The following KCNMA1 variants were observed in gnomAD, a reference collection of about 807,000 sequenced individuals.
The protein encoded by KCNMA1 is Calcium-activated potassium channel subunit alpha-1.
In KCNMA1, 29 loss-of-function variants were observed where a neutral mutation model predicts 140.0. The observed-to-expected ratio is 0.21, with a 90% CI of 0.15 to 0.28. The LOEUF is 0.28. Among genes scored for constraint, KCNMA1 ranks in the 10% least tolerant of loss-of-function variants. The probability of loss-of-function intolerance (pLI) is 1.00; values close to 1 mark genes in which losing one functional copy is unlikely to be tolerated. For synonymous variants in KCNMA1, 612 were observed against 611.9 expected (o/e 1.00, Z 0.00); for missense variants, 880 against 1,602.2 (o/e 0.55, Z 7.70).
chr10:76,937,913 A>ATG (rs1013080316), intron 23 of KCNMA1, among the ~76,000 whole-genome samples: 4 of 147,700 alleles, frequency 2.7e-5, no homozygotes, highest in Non-Finnish European at 5.9e-5. Context: ...GTGTGTGCGT[A>ATG]TGTGTGTGTG....
At chr10:77,008,083 TAAAAGGGA>T in intron 18 of KCNMA1, 1 of 1,203,576 alleles carries the variant, frequency 8.3e-7, no homozygotes, top group Non-Finnish European at 1.2e-6. Flanking sequence ...ATACCAAAAG[TAAAAGGGA>T]AACTAAAACT....
chr10:77,425,779 G>T (rs1046136912), intron 1 of KCNMA1, among the ~76,000 whole-genome samples: 2 of 152,182 alleles, frequency 1.3e-5, no homozygotes, highest in Non-Finnish European at 2.9e-5. Context: ...ATTTAAAAAT[G>T]CATGGGTCTC....
intron 1 of KCNMA1, among the ~76,000 whole-genome samples, chr10:77,615,567 T>C (rs1411141798): frequency 6.6e-6 from 1 of 152,188 alleles, no homozygotes; most frequent in Admixed American, 6.5e-5. Context: ...GGTGGCAAAC[T>C]GAGGCCTCGC....
intron 19 of KCNMA1, chr10:76,995,362 G>T: frequency 2.9e-6 from 1 of 348,674 alleles, no homozygotes. Flanking sequence ...AGCCTAAGGC[G>T]CTGCAAACTC....
intron 5 of KCNMA1, among the ~76,000 whole-genome samples, chr10:77,135,482 C>A (rs1028779524): frequency 6.6e-6 from 1 of 152,136 alleles, no homozygotes; most frequent in East Asian, 1.9e-4. Flanking sequence ...AATCAAGCAA[C>A]CTCACCACTG....
intron 12 of KCNMA1, among the ~76,000 whole-genome samples, chr10:77,082,592 C>T (rs1357458666): frequency 1.3e-5 from 2 of 151,832 alleles, no homozygotes; most frequent in African/African-American, 2.4e-5. Flanking sequence ...TAAATCATTT[C>T]CAATGACAGA....
intron 5 of KCNMA1, among the ~76,000 whole-genome samples, chr10:77,132,690 G>A (rs1370861903): frequency 6.6e-6 from 1 of 152,020 alleles, no homozygotes; most frequent in African/African-American, 2.4e-5. Flanking sequence ...TCAATGTGAA[G>A]AAATAAATCC....
At chr10:77,149,068 G>A (rs2098369866) in intron 5 of KCNMA1, among the ~76,000 whole-genome samples, 1 of 152,172 alleles carries the variant, frequency 6.6e-6, no homozygotes, top group South Asian at 2.1e-4. Context: ...AATCCTTGAG[G>A]TCAAGGTCTC....
intron 1 of KCNMA1, among the ~76,000 whole-genome samples, chr10:77,547,352 C>A (rs7907504): frequency 1.3e-5 from 2 of 152,064 alleles, no homozygotes; most frequent in Admixed American, 6.5e-5. Context: ...ATGAACAGAA[C>A]GGCTCCGTTA....
Position 77,400,709 on chromosome 10 carries a change from C to T in KCNMA1, c.540+3153G>A, listed in dbSNP as rs186099191. 4.6e-5 allele frequency among the ~76,000 whole-genome samples: 7 copies of T among 152,204 alleles called. No homozygotes were observed. In the East Asian group the frequency reaches 1.4e-3, roughly 29 times the overall value. ...GAGATGAATTCACTGATAAGATTGG[C>T]CTGTTTTCTTGTAATGAACCCCTAC... On this transcript the variant is annotated intron_variant, in intron 2 of 27. Transcript: ENST00000286628.
At chr10:77,025,242 G>GTGTGTA (rs1436772387) in intron 16 of KCNMA1, among the ~76,000 whole-genome samples, 8 of 42,768 alleles carry the variant, frequency 1.9e-4, no homozygotes, top group Admixed American at 3.5e-4. Flanking sequence ...GGGTGTGTGT[G>GTGTGTA]TATATATATA....
chr10:77,259,811 A>G (rs2061575292), intron 2 of KCNMA1, among the ~76,000 whole-genome samples: 1 of 152,192 alleles, frequency 6.6e-6, no homozygotes, highest in South Asian at 2.1e-4. Context: ...TCTTTGTGCA[A>G]TCATTTTGAT....
intron 2 of KCNMA1, among the ~76,000 whole-genome samples, chr10:77,272,333 C>T (rs947515832): frequency 1.3e-5 from 2 of 152,134 alleles, no homozygotes; most frequent in Non-Finnish European, 2.9e-5. Flanking sequence ...GTATAGGTTC[C>T]TATTTCCCCT....
chr10:76,990,816 G>C lies in KCNMA1; in HGVS notation c.2266+10591C>G, dbSNP rs72642267. Among the ~76,000 whole-genome samples the C allele has an allele frequency of 3.3e-3, 510 of 152,340 alleles. 17 individuals are homozygous for C. The East Asian group carries it at 0.069, about 21-fold the overall frequency. Reference sequence around the variant, plus strand: ...GCCAGATCAGCCTTGACAAAATGCAGAGAGCATTTCAGAACCATTCAAAGG... The same window carrying C: ...GCCAGATCAGCCTTGACAAAATGCACAGAGCATTTCAGAACCATTCAAAGG... On this transcript the variant is annotated intron_variant, in intron 19 of 27. Coordinates refer to ENST00000286628, the MANE Select transcript of KCNMA1 (RefSeq NM_001161352.2).
At chr10:77,325,079 C>T (rs990921188) in intron 2 of KCNMA1, among the ~76,000 whole-genome samples, 2 of 151,674 alleles carry the variant, frequency 1.3e-5, no homozygotes, top group Non-Finnish European at 2.9e-5. Context: ...CATTACCATG[C>T]TGATTTAAAC....
chr10:77,057,801 C>A, intron 14 of KCNMA1, among the ~76,000 whole-genome samples: 1 of 151,310 alleles, frequency 6.6e-6, no homozygotes, highest in Admixed American at 6.6e-5. Context: ...CAAAATGATT[C>A]AAAAGAAGAA....
At chr10:77,359,927 A>T (rs193144369) in intron 2 of KCNMA1, among the ~76,000 whole-genome samples, 312 of 152,372 alleles carry the variant, frequency 2.0e-3, no homozygotes, top group African/African-American at 7.2e-3. Context: ...ACGAATGCCA[A>T]GGCAGAAAAT....
chr10:76,915,999 T>C (rs1399322977), intron 23 of KCNMA1, among the ~76,000 whole-genome samples: 3 of 150,398 alleles, frequency 2.0e-5, no homozygotes, highest in African/African-American at 5.0e-5. Context: ...TCTCCCTATG[T>C]GAGATTTTAT....
intron 5 of KCNMA1, among the ~76,000 whole-genome samples, chr10:77,125,181 T>C (rs2097706035): frequency 1.3e-5 from 2 of 152,150 alleles, no homozygotes; most frequent in African/African-American, 4.8e-5. Flanking sequence ...AGCCAAACCA[T>C]ATCAGCTTCC....
Sources: allele counts gnomAD v4.1 joint callset (sites outside exome capture counted in the v4.1 genomes callset), GRCh38; gene constraint gnomAD v4.1.1; transcripts MANE v1.5; gene names NCBI Gene and HGNC (gene_info 2026-07-23, HGNC 2026-07-21).